The following EIF4E3 variants were observed in gnomAD, a reference collection of about 807,000 sequenced individuals.
The protein encoded by EIF4E3 is eukaryotic translation initiation factor 4E family member 3.
Under a neutral mutation model 31.7 loss-of-function variants are expected in EIF4E3, and 26 were observed. The observed-to-expected ratio is 0.82, with a 90% CI of 0.60 to 1.14. The LOEUF (loss-of-function observed/expected upper bound fraction) is 1.14. EIF4E3 is among the 50% of genes most tolerant of loss of function. EIF4E3 has a pLI of 0.00. For missense variants in EIF4E3, 304 were observed against 270.9 expected, an observed-to-expected ratio of 1.12 and a Z score of -0.86; for synonymous variants, 128 against 107.7, an observed-to-expected ratio of 1.19 and a Z score of -1.17.
rs142135990 is a variant in EIF4E3, at chr3:71,680,714, G to C, written c.*3968C>G. On this transcript the variant is annotated 3_prime_UTR_variant, in exon 7 of 7. Transcript: ENST00000425534. ...GACCACAGGTTCAAAGGGACTTTTC[G>C]TTGCCTCTCAGTCCCTATTTTTTCC... 1 of 152,104 alleles carries C rather than the reference G, an allele frequency of 6.6e-6. No homozygotes were observed. The highest frequency in any genetic ancestry group is 2.4e-5 in the African/African-American group (1 of 41,434). 9.4% of individuals were successfully genotyped at this position (152,104 alleles called of 1,614,324 possible).
At chr3:71,714,384 A>G (rs536093011) in intron 1 of EIF4E3, among the ~76,000 whole-genome samples, 7 of 152,328 alleles carry the variant, frequency 4.6e-5, no homozygotes, top group Admixed American at 4.6e-4. Context: ...GCTTCATAGA[A>G]ACTCAGTTTC....
chr3:71,754,741 GC>G, upstream of EIF4E3: 2 of 1,395,270 alleles, frequency 1.4e-6, no homozygotes, highest in South Asian at 1.5e-5. This position sits in a 1 kb window ranked among gnomAD's most constrained non-coding sequence, Gnocchi z 5.8. Flanking sequence ...ACCTTCCACG[GC>G]CCGGGCGCCA....
chr3:71,689,040 T>C (rs769945416), intron 6 of EIF4E3, among the ~76,000 whole-genome samples: 5 of 152,176 alleles, frequency 3.3e-5, no homozygotes, highest in Non-Finnish European at 5.9e-5. Flanking sequence ...AGTGAAGCAA[T>C]AATGAAATGT....
intron 2 of EIF4E3, among the ~76,000 whole-genome samples, chr3:71,701,807 A>C (rs1028881099): frequency 6.6e-6 from 1 of 152,244 alleles, no homozygotes; most frequent in African/African-American, 2.4e-5. Context: ...AAAAAACTAC[A>C]GGATGACAGA....
upstream of EIF4E3, chr3:71,754,350 C>T (rs1050918991): frequency 3.1e-5 from 41 of 1,307,284 alleles, no homozygotes; most frequent in African/African-American, 4.1e-4. This position sits in a 1 kb window ranked among gnomAD's most constrained non-coding sequence, Gnocchi z 5.8. Flanking sequence ...GCTCGCCTTC[C>T]TGGCCGCGCT....
intron 1 of EIF4E3, among the ~76,000 whole-genome samples, chr3:71,740,829 A>C (rs1206117854): frequency 6.6e-6 from 1 of 152,232 alleles, no homozygotes; most frequent in Non-Finnish European, 1.5e-5. Flanking sequence ...AAGAATTGTA[A>C]GAATTCATTA....
At chr3:71,694,004 C>T in intron 4 of EIF4E3, 63 bp from the exon 5 acceptor site, 1 of 1,444,582 alleles carries the variant, frequency 6.9e-7, no homozygotes, top group South Asian at 1.3e-5. Flanking sequence ...GACAATTATC[C>T]TCAGGAGCTA....
At chr3:71,674,661 G>C (rs556868610), downstream of EIF4E3, among the ~76,000 whole-genome samples, 50 of 152,308 alleles carry the variant, frequency 3.3e-4, no homozygotes, top group Middle Eastern at 6.8e-3. Context: ...CCTCAAACAA[G>C]TTAAGCTGGG....
intron 1 of EIF4E3, among the ~76,000 whole-genome samples, chr3:71,716,106 C>T (rs1360437725): frequency 1.3e-5 from 2 of 152,216 alleles, no homozygotes; most frequent in Non-Finnish European, 1.5e-5. Context: ...AGCCACACTG[C>T]TGGCAAAGCA....
rs2048903961 is a variant in EIF4E3 at position 71,679,911 on chromosome 3, G to C, written c.*4771C>G. 6.6e-6 allele frequency: 1 copy of C among 152,080 alleles called. No homozygotes were observed. Among genetic ancestry groups the C allele is most frequent in the African/African-American group, 2.4e-5 (1 of 41,416 alleles). The allele number at this position is 152,080 out of a possible 1,614,324, so 9.4% of individuals were successfully genotyped here. Reference sequence around the variant, plus strand: ...ACCCCAGATGCCATAAGACATTATAGAAAAGTAGTTACTGCACATATGGAG... The same window carrying C: ...ACCCCAGATGCCATAAGACATTATACAAAAGTAGTTACTGCACATATGGAG... On this transcript the variant is annotated 3_prime_UTR_variant, in exon 7 of 7. Transcript: ENST00000425534.
intron 2 of EIF4E3, among the ~76,000 whole-genome samples, chr3:71,703,296 G>C (rs948454962): frequency 5.9e-5 from 9 of 152,184 alleles, no homozygotes; most frequent in African/African-American, 9.7e-5. Context: ...GTATGTTCTG[G>C]AACACCAATC....
chr3:71,703,334 A>C (rs551781309), intron 2 of EIF4E3, among the ~76,000 whole-genome samples: 1 of 152,314 alleles, frequency 6.6e-6, no homozygotes, highest in Non-Finnish European at 1.5e-5. Context: ...AAACTGAGGC[A>C]GGGAAGACAC....
chr3:71,693,708 C>T lies in EIF4E3; in HGVS notation c.472+167G>A, dbSNP rs186194341. 3.2e-3 allele frequency among the ~76,000 whole-genome samples: 494 copies of T among 152,198 alleles called. No homozygotes were observed. The highest frequency in any genetic ancestry group is 6.1e-3 in the Non-Finnish European group (418 of 68,006). On this transcript the variant is annotated intron_variant, in intron 5 of 6. Transcript: ENST00000425534. ...TGGACACAGACACACATATCTAACA[C>T]TGAACACGAAAATCACATGAAAAAA... is the stretch of plus-strand genomic sequence containing the variant.
downstream of EIF4E3, among the ~76,000 whole-genome samples, chr3:71,673,932 A>ATATATATAT (rs1559581282): frequency 1.1e-3 from 144 of 127,386 alleles, no homozygotes; most frequent in African/African-American, 4.3e-3. Flanking sequence ...TATATATATA[A>ATATATATAT]AAAACATAAT....
Position 71,710,491 on chromosome 3 carries a change from A to G in EIF4E3, c.177-7T>C, listed in dbSNP as rs1193949294. On this transcript the variant is annotated splice_polypyrimidine_tract_variant and splice_region_variant and intron_variant, in intron 1 of 6. Transcript: ENST00000425534. ...TGTGGCACCAGGGAGGGATCTAGGC[A>G]AGCAGGAGCAGGACAAAGACACAAA... 2 of 1,551,770 alleles carry G rather than the reference A, an allele frequency of 1.3e-6. No individual in the cohort carries two copies. Among genetic ancestry groups the G allele is most frequent in the East Asian group, 4.9e-5 (2 of 40,928 alleles).
intron 1 of EIF4E3, among the ~76,000 whole-genome samples, chr3:71,718,165 G>C (rs553899510): frequency 7.4e-4 from 113 of 152,318 alleles, no homozygotes; most frequent in African/African-American, 2.6e-3. Flanking sequence ...AGCTGTCAGA[G>C]GGAAAATTTG....
At chr3:71,686,523 T>C (rs2048993128) in intron 6 of EIF4E3, among the ~76,000 whole-genome samples, 1 of 149,174 alleles carries the variant, frequency 6.7e-6, no homozygotes, top group Non-Finnish European at 1.5e-5. Flanking sequence ...CAGCTTTAAC[T>C]TTGCAAATAT....
At chr3:71,729,743 A>T (rs1462060243), upstream of EIF4E3, among the ~76,000 whole-genome samples, 1 of 151,834 alleles carries the variant, frequency 6.6e-6, no homozygotes, top group African/African-American at 2.4e-5. Context: ...CTCCAGGTTC[A>T]TTAGCAATAC....
In EIF4E3 at chr3:71,678,994, T is replaced by C. The variant is rs948784810; in HGVS notation, c.*5688A>G. 3 of 152,144 alleles carry C rather than the reference T, an allele frequency of 2.0e-5. No homozygotes were observed. The highest frequency in any genetic ancestry group is 4.4e-5 in the Non-Finnish European group (3 of 68,002). The allele number at this position is 152,144 out of a possible 1,614,324, so 9.4% of individuals were successfully genotyped here. On this transcript the variant is annotated 3_prime_UTR_variant, in exon 7 of 7. Coordinates refer to ENST00000425534, the MANE Select transcript of EIF4E3 (RefSeq NM_001134651.2). The stretch of plus-strand genomic sequence containing the variant: ...TTAAATGAATACTGAAAAGACAGTG[T>C]TAAAACTTAAAAACAAAAACAATGG...
Sources: allele counts gnomAD v4.1 joint callset (sites outside exome capture counted in the v4.1 genomes callset), GRCh38; gene constraint gnomAD v4.1.1; non-coding constraint Gnocchi (gnomAD v3.1); transcripts MANE v1.5; gene names NCBI Gene and HGNC (gene_info 2026-07-23, HGNC 2026-07-21).